Variants in BMP2K observed in about 807,000 individuals in gnomAD.
BMP2K encodes BMP-2-inducible protein kinase.
In BMP2K, 74 loss-of-function variants were observed where a neutral mutation model predicts 116.0. That is an observed-to-expected ratio of 0.64 (90% CI 0.53 to 0.77). BMP2K has a LOEUF of 0.77. BMP2K is among the 30% of genes least tolerant of loss of function. The pLI, the probability that BMP2K is intolerant of heterozygous loss-of-function variation, is 0.00. For synonymous variants in BMP2K, 486 were observed against 502.5 expected, an observed-to-expected ratio of 0.97 and a Z score of 0.44; for missense variants, 1,365 against 1,403.6, an observed-to-expected ratio of 0.97 and a Z score of 0.44.
intron 3 of BMP2K, among the ~76,000 whole-genome samples, chr4:78,837,570 T>TA (rs1730548276): frequency 6.6e-6 from 1 of 152,186 alleles, no homozygotes; most frequent in Non-Finnish European, 1.5e-5. Context: ...GGGGGAAAAA[T>TA]ACACCTAGTT....
chr4:78,858,134 A>G (rs1452625197), intron 7 of BMP2K, among the ~76,000 whole-genome samples: 1 of 152,018 alleles, frequency 6.6e-6, no homozygotes, highest in Non-Finnish European at 1.5e-5. Flanking sequence ...AGAATAGAAA[A>G]ATAGGACTAT....
chr4:78,815,568 A>G (rs569579811), intron 1 of BMP2K, among the ~76,000 whole-genome samples: 127 of 152,272 alleles, frequency 8.3e-4, no homozygotes, highest in Non-Finnish European at 1.6e-3. Flanking sequence ...GGAAAAACAT[A>G]CTTTGTTTCT....
At chr4:78,820,060 T>G (rs1729540344) in intron 1 of BMP2K, among the ~76,000 whole-genome samples, 1 of 152,204 alleles carries the variant, frequency 6.6e-6, no homozygotes, top group South Asian at 2.1e-4. Context: ...ACAATTATCT[T>G]ATGTTGGTTA....
chr4:78,813,564 T>C (rs1729190478), intron 1 of BMP2K, among the ~76,000 whole-genome samples: 1 of 152,230 alleles, frequency 6.6e-6, no homozygotes. Flanking sequence ...TCTGATCCCT[T>C]TGCTGTTCCT....
chr4:78,826,207 A>T, intron 2 of BMP2K, 52 bp downstream of exon 2: 1 of 1,459,726 alleles, frequency 6.9e-7, no homozygotes. Flanking sequence ...TTTATTTTTT[A>T]TTTTTCTTGG....
At chr4:78,816,361 C>T (rs181109754) in intron 1 of BMP2K, among the ~76,000 whole-genome samples, 1 of 152,200 alleles carries the variant, frequency 6.6e-6, no homozygotes, top group East Asian at 1.9e-4. Context: ...TATGAATATC[C>T]TGTTTATTAA....
intron 7 of BMP2K, among the ~76,000 whole-genome samples, chr4:78,855,140 A>G (rs1040317091): frequency 1.3e-5 from 2 of 152,130 alleles, no homozygotes; most frequent in African/African-American, 4.8e-5. Context: ...ACATATTATC[A>G]GCTATTAAAT....
intron 1 of BMP2K, among the ~76,000 whole-genome samples, chr4:78,780,399 T>C (rs957313775): frequency 6.6e-6 from 1 of 152,208 alleles, no homozygotes; most frequent in Admixed American, 6.5e-5. Flanking sequence ...ACTACAGGGT[T>C]CTTTAAAAAT....
chr4:78,899,184 G>A (rs987129325), intron 15 of BMP2K: 12 of 152,152 alleles, frequency 7.9e-5, no homozygotes, highest in African/African-American at 2.9e-4. Flanking sequence ...AAGACTCCAT[G>A]CTTGAAATAA....
intron 6 of BMP2K, among the ~76,000 whole-genome samples, chr4:78,847,704 C>T (rs966562520): frequency 2.0e-5 from 3 of 151,408 alleles, no homozygotes; most frequent in Non-Finnish European, 4.4e-5. Context: ...ATAAACATAC[C>T]ATTGACTAGC....
In BMP2K at chr4:78,843,787, T is replaced by C. The variant is rs144730534; in HGVS notation, c.547-1141T>C. Among the ~76,000 whole-genome samples, 1,019 of 150,752 alleles carry C rather than the reference T, an allele frequency of 6.8e-3. 8 individuals are homozygous for C. The highest frequency in any genetic ancestry group is 0.011 in the Non-Finnish European group (719 of 67,630). On this transcript the variant is annotated intron_variant, in intron 4 of 15. Coordinates refer to ENST00000502613, the MANE Select transcript of BMP2K (RefSeq NM_198892.2). ...TAATTTGATACCATTTTTTGTGCTA[T>C]TATAGTTCATTAATTTTTTTGCATG... is the stretch of plus-strand genomic sequence containing the variant.
chr4:78,855,592 T>C (rs1322500061), intron 7 of BMP2K, among the ~76,000 whole-genome samples: 1 of 152,160 alleles, frequency 6.6e-6, no homozygotes, highest in Non-Finnish European at 1.5e-5. Context: ...GCAGCTCCTT[T>C]AGCTTCTATT....
intron 2 of BMP2K, among the ~76,000 whole-genome samples, chr4:78,829,791 T>TCTTCTCTTCC (rs1560518718): frequency 5.2e-5 from 5 of 96,112 alleles, no homozygotes; most frequent in African/African-American, 2.0e-4. Context: ...TTTTCTTTTC[T>TCTTCTCTTCC]CTTCTCTTCT....
chr4:78,832,162 G>C (rs555510226), intron 2 of BMP2K, among the ~76,000 whole-genome samples: 1 of 152,146 alleles, frequency 6.6e-6, no homozygotes, highest in Non-Finnish European at 1.5e-5. Flanking sequence ...GCATGAATAT[G>C]TGCATGCATC....
At chr4:78,890,404 G>GCACACACACA (rs149825379) in intron 15 of BMP2K, among the ~76,000 whole-genome samples, 89 of 148,078 alleles carry the variant, frequency 6.0e-4, no homozygotes, top group African/African-American at 1.9e-3. Flanking sequence ...ACAATCATGC[G>GCACACACACA]CACACACACA....
intron 3 of BMP2K, among the ~76,000 whole-genome samples, chr4:78,838,727 G>A (rs1299034456): frequency 1.3e-5 from 2 of 152,294 alleles, no homozygotes; most frequent in East Asian, 3.9e-4. Flanking sequence ...GGATAAAACT[G>A]TACAGAGAGT....
intron 1 of BMP2K, among the ~76,000 whole-genome samples, chr4:78,810,378 T>C (rs923377664): frequency 6.6e-6 from 1 of 152,228 alleles, no homozygotes; most frequent in Non-Finnish European, 1.5e-5. Context: ...AAAGAGTTTT[T>C]CGAAGCCCCT....
intron 7 of BMP2K, among the ~76,000 whole-genome samples, chr4:78,852,728 C>G (rs1055607925): frequency 6.6e-6 from 1 of 152,144 alleles, no homozygotes; most frequent in African/African-American, 2.4e-5. Context: ...ACCTCAGCCT[C>G]CTGAGTAGCT....
chr4:78,777,676 T>A (rs1727309568), intron 1 of BMP2K, among the ~76,000 whole-genome samples: 1 of 152,210 alleles, frequency 6.6e-6, no homozygotes. Flanking sequence ...CCTTTTAAGT[T>A]CTATGGTTAA....
Sources: gnomAD v4.1 joint callset for allele counts (sites outside exome capture counted in the v4.1 genomes callset) on GRCh38, gnomAD v4.1.1 for gene constraint, MANE v1.5 for transcripts, NCBI Gene and HGNC (gene_info 2026-07-23, HGNC 2026-07-21) for gene names.